ST3GAL4: variants seen among roughly 807,000 people sequenced by gnomAD.
ST3GAL4 encodes the protein ST3 beta-galactoside alpha-2,3-sialyltransferase 4.
A neutral mutation model predicts 42.6 loss-of-function variants in ST3GAL4; 24 were observed. That is an observed-to-expected ratio of 0.56 (90% CI 0.41 to 0.79). The LOEUF (loss-of-function observed/expected upper bound fraction) is 0.79. ST3GAL4 is among the 30% of genes least tolerant of loss of function. ST3GAL4 has a pLI of 0.00. For missense variants in ST3GAL4, 311 were observed against 430.8 expected (o/e 0.72, Z 2.46); for synonymous variants, 135 against 163.2 (o/e 0.83, Z 1.32).
At position 126,359,805 on chromosome 11, in the gene ST3GAL4, C is replaced by T. The variant is rs556784484; in HGVS notation, c.-61+3963C>T. On this transcript the variant is annotated intron_variant, in intron 1 of 10. Coordinates refer to ENST00000444328, the MANE Select transcript of ST3GAL4 (RefSeq NM_001254757.2). The surrounding 1 kb of genome is among the most constrained non-coding windows in gnomAD (Gnocchi z 4.8). ...GCCTCCCCAGCCCCCACCTCTGCTGCTTTCCCTTGGCAATTGCTTCCATCT... is the reference window on the plus strand; with the variant it reads ...GCCTCCCCAGCCCCCACCTCTGCTGTTTTCCCTTGGCAATTGCTTCCATCT... Among the ~76,000 whole-genome samples the T allele has an allele frequency of 3.7e-4, 57 of 152,334 alleles. No individual in the cohort carries two copies. The highest frequency in any genetic ancestry group is 6.5e-4 in the Non-Finnish European group (44 of 68,030).
chr11:126,361,955 C>CA (rs1952258237), intron 1 of ST3GAL4, among the ~76,000 whole-genome samples: 1 of 150,950 alleles, frequency 6.6e-6, no homozygotes, highest in Middle Eastern at 3.2e-3. Flanking sequence ...GATCTCGGCT[C>CA]ACTGCCATCT....
At chr11:126,401,397 G>A (rs1241076378) in intron 1 of ST3GAL4, among the ~76,000 whole-genome samples, 6 of 151,798 alleles carry the variant, frequency 4.0e-5, no homozygotes, top group Admixed American at 1.3e-4. Context: ...GTGAAACCCC[G>A]TCTCTACTAA....
rs1179969531 is a variant in ST3GAL4, at chr11:126,411,454, T to A, written c.771+2043T>A. Among the ~76,000 whole-genome samples the A allele has an allele frequency of 6.6e-6, 1 of 152,134 alleles. No individual in the cohort carries two copies. The highest frequency in any genetic ancestry group is 1.5e-5 in the Non-Finnish European group (1 of 68,024). ...CGCCTGGCCTGTATTAGCTTTCTGTTGCTCCCTAACTAATACCACAAGTTT... is the reference window on the plus strand; with the variant it reads ...CGCCTGGCCTGTATTAGCTTTCTGTAGCTCCCTAACTAATACCACAAGTTT... On this transcript the variant is annotated intron_variant, in intron 9 of 10. Transcript: ENST00000444328. This position sits in a 1 kb window ranked among gnomAD's most constrained non-coding sequence, Gnocchi z 6.3.
At chr11:126,408,607 G>C in intron 8 of ST3GAL4, 111 bp downstream of exon 8, 14 of 1,331,196 alleles carry the variant, frequency 1.1e-5, no homozygotes, top group Non-Finnish European at 1.4e-5. Flanking sequence ...GCTGTGAGGG[G>C]ACAGCATGAA....
At position 126,376,002 on chromosome 11, in the gene ST3GAL4, C is replaced by G. The variant is rs1307836671; in HGVS notation, c.-61+20160C>G. 6.7e-6 allele frequency among the ~76,000 whole-genome samples: 1 copy of G among 149,710 alleles called. No individual in the cohort carries two copies. The highest frequency in any genetic ancestry group is 2.0e-4 in the East Asian group (1 of 5,084). ...TCGTTAGTCACGTATTATTGTTTGTCAAATGTGTATAAAACATCTGCCACA... is the reference window on the plus strand; with the variant it reads ...TCGTTAGTCACGTATTATTGTTTGTGAAATGTGTATAAAACATCTGCCACA... On this transcript the variant is annotated intron_variant, in intron 1 of 10. Coordinates refer to ENST00000444328, the MANE Select transcript of ST3GAL4 (RefSeq NM_001254757.2). This position sits in a 1 kb window ranked among gnomAD's most constrained non-coding sequence, Gnocchi z 5.1.
Position 126,400,543 on chromosome 11 carries a change from G to C in ST3GAL4, c.-60-5553G>C, listed in dbSNP as rs866021599. On this transcript the variant is annotated intron_variant, in intron 1 of 10. Transcript: ENST00000444328. The surrounding 1 kb of genome is among the most constrained non-coding windows in gnomAD (Gnocchi z 4.6). The stretch of plus-strand genomic sequence containing the variant: ...CTTAGTGTGCTTGGGAGGAGGGTAA[G>C]AGATGCGTTTGCAGTTCTCATGGCC... Among the ~76,000 whole-genome samples, 1 of 152,208 alleles carries C rather than the reference G, an allele frequency of 6.6e-6. No homozygotes were observed. Among genetic ancestry groups the C allele is most frequent in the South Asian group, 2.1e-4 (1 of 4,834 alleles).
In ST3GAL4 at chr11:126,363,109, G is replaced by T. The variant is rs138321236; in HGVS notation, c.-61+7267G>T. Among the ~76,000 whole-genome samples, 169 of 152,316 alleles carry T rather than the reference G, an allele frequency of 1.1e-3. No homozygotes were observed. Among genetic ancestry groups the T allele is most frequent in the African/African-American group, 4.0e-3 (166 of 41,570 alleles). On this transcript the variant is annotated intron_variant, in intron 1 of 10. Coordinates refer to ENST00000444328, the MANE Select transcript of ST3GAL4 (RefSeq NM_001254757.2). The surrounding 1 kb of genome is among the most constrained non-coding windows in gnomAD (Gnocchi z 4.6). The stretch of plus-strand genomic sequence containing the variant: ...CCCAGCTGGGCTGGACTGAATGAGG[G>T]GCTGGCCGAGGAGCGGGTGTTGATG...
rs1040419872 is a variant in ST3GAL4, at chr11:126,376,348, C to G, written c.-61+20506C>G. ...AAGAAGTGAATTGGGAAACAGAAAACCGAAAGAGGTTTAGTGGCCCAATGA... is the reference window on the plus strand; with the variant it reads ...AAGAAGTGAATTGGGAAACAGAAAAGCGAAAGAGGTTTAGTGGCCCAATGA... On this transcript the variant is annotated intron_variant, in intron 1 of 10. Transcript: ENST00000444328. This position sits in a 1 kb window ranked among gnomAD's most constrained non-coding sequence, Gnocchi z 5.1. 6.6e-6 allele frequency among the ~76,000 whole-genome samples: 1 copy of G among 152,080 alleles called. No individual in the cohort carries two copies. Among genetic ancestry groups the G allele is most frequent in the African/African-American group, 2.4e-5 (1 of 41,404 alleles).
rs1487299177 is a variant in ST3GAL4, at chr11:126,366,811, C to A, written c.-61+10969C>A. On this transcript the variant is annotated intron_variant, in intron 1 of 10. Transcript: ENST00000444328. The surrounding 1 kb of genome is among the most constrained non-coding windows in gnomAD (Gnocchi z 4.2). ...AGGTCTGCCGAGTGAGGGTTCCTTC[C>A]GGGAGGAGGCAGGGTGAGCGCAGAA... Among the ~76,000 whole-genome samples the A allele has an allele frequency of 6.6e-6, 1 of 152,116 alleles. No homozygotes were observed.
intron 1 of ST3GAL4, among the ~76,000 whole-genome samples, chr11:126,387,184 C>A (rs908652748): frequency 1.3e-5 from 2 of 152,220 alleles, no homozygotes; most frequent in Non-Finnish European, 2.9e-5. Flanking sequence ...TCTGCTCATA[C>A]AACTTCCCTT....
chr11:126,402,890 A>T (rs1330055374), intron 1 of ST3GAL4, among the ~76,000 whole-genome samples: 1 of 152,032 alleles, frequency 6.6e-6, no homozygotes, highest in Admixed American at 6.6e-5. Context: ...TTGTCTTCCT[A>T]CCCGGGGGCA....
chr11:126,385,391 A>G (rs1953188566), intron 1 of ST3GAL4, among the ~76,000 whole-genome samples: 1 of 151,662 alleles, frequency 6.6e-6, no homozygotes, highest in South Asian at 2.1e-4. Context: ...TGACCTCATG[A>G]TCCTCCCACC....
rs1952912449 is a variant in ST3GAL4, at chr11:126,379,058, C to T, written c.-61+23216C>T. Among the ~76,000 whole-genome samples, 1 of 152,344 alleles carries T rather than the reference C, an allele frequency of 6.6e-6. No homozygotes were observed. Among genetic ancestry groups the T allele is most frequent in the African/African-American group, 2.4e-5 (1 of 41,572 alleles). ...TTGCCTCTGTTGCTTCTTCCAAGAGCTACACTGGTTGATCATAAATATCAG... is the reference window on the plus strand; with the variant it reads ...TTGCCTCTGTTGCTTCTTCCAAGAGTTACACTGGTTGATCATAAATATCAG... On this transcript the variant is annotated intron_variant, in intron 1 of 10. Transcript: ENST00000444328. This position sits in a 1 kb window ranked among gnomAD's most constrained non-coding sequence, Gnocchi z 4.2.
intron 1 of ST3GAL4, among the ~76,000 whole-genome samples, chr11:126,399,465 C>T (rs149197485): frequency 1.7e-3 from 252 of 151,860 alleles, no homozygotes; most frequent in African/African-American, 5.9e-3. Flanking sequence ...CCACCACACC[C>T]AGCTAATTTT....
In ST3GAL4 at chr11:126,397,707, A is replaced by G. The variant is rs1211863977; in HGVS notation, c.-60-8389A>G. Among the ~76,000 whole-genome samples, 1 of 152,224 alleles carries G rather than the reference A, an allele frequency of 6.6e-6. No individual in the cohort carries two copies. The highest frequency in any genetic ancestry group is 2.1e-4 in the South Asian group (1 of 4,828). ...ACAGTTCTGGAGGCTCGGATGTCCAAGATCTAGAGGACACATCCGGTGAGG... is the reference window on the plus strand; with the variant it reads ...ACAGTTCTGGAGGCTCGGATGTCCAGGATCTAGAGGACACATCCGGTGAGG... On this transcript the variant is annotated intron_variant, in intron 1 of 10. Coordinates refer to ENST00000444328, the MANE Select transcript of ST3GAL4 (RefSeq NM_001254757.2). This position sits in a 1 kb window ranked among gnomAD's most constrained non-coding sequence, Gnocchi z 5.0.
At position 126,362,669 on chromosome 11, in the gene ST3GAL4, G is replaced by A. The variant is rs946375646; in HGVS notation, c.-61+6827G>A. On this transcript the variant is annotated intron_variant, in intron 1 of 10. Coordinates refer to ENST00000444328, the MANE Select transcript of ST3GAL4 (RefSeq NM_001254757.2). ...GGAAGAGGGGCAGGTGGCTCACTAG[G>A]AGCTGTCCTGGCATCCTTTGTCCCC... Among the ~76,000 whole-genome samples the A allele has an allele frequency of 2.0e-5, 3 of 152,274 alleles. No individual in the cohort carries two copies. In the South Asian group the frequency reaches 6.2e-4, roughly 32 times the overall value.
rs762892226 is a variant in ST3GAL4, at chr11:126,391,973, A to ATG, written c.-60-14115_-60-14114dup. 6.0e-5 allele frequency among the ~76,000 whole-genome samples: 8 copies of ATG among 132,672 alleles called. No individual in the cohort carries two copies. The highest frequency in any genetic ancestry group is 6.7e-5 in the Non-Finnish European group (4 of 59,326). The allele number at this position is 132,672 out of a possible 152,430, so 87.0% of individuals were successfully genotyped here. ...TGTGTGTGTGTGTGTGTGTGTGTGT[A>ATG]TGTGTGTGTATGTGTATATATAAAA... On this transcript the variant is annotated intron_variant, in intron 1 of 10. Coordinates refer to ENST00000444328, the MANE Select transcript of ST3GAL4 (RefSeq NM_001254757.2). This position sits in a 1 kb window ranked among gnomAD's most constrained non-coding sequence, Gnocchi z 5.5.
Position 126,409,264 on chromosome 11 carries a change from C to T in ST3GAL4, c.628-4C>T, listed in dbSNP as rs1214334049. 6.2e-7 allele frequency: 1 copy of T among 1,614,120 alleles called. No homozygotes were observed. The highest frequency in any genetic ancestry group is 2.2e-5 in the East Asian group (1 of 44,884). ...GTCTCTCTCTTCTGACCCCATCCTCCTAGGTGCGAAAGGGTTTCTGGAAAC... is the reference window on the plus strand; with the variant it reads ...GTCTCTCTCTTCTGACCCCATCCTCTTAGGTGCGAAAGGGTTTCTGGAAAC... On this transcript the variant is annotated splice_region_variant and splice_polypyrimidine_tract_variant and intron_variant, in intron 8 of 10. Coordinates refer to ENST00000444328, the MANE Select transcript of ST3GAL4 (RefSeq NM_001254757.2). This position sits in a 1 kb window ranked among gnomAD's most constrained non-coding sequence, Gnocchi z 4.9.
rs1379033374 is a variant in ST3GAL4 at position 126,414,160 on chromosome 11, T to C, written c.*113T>C. On this transcript the variant is annotated 3_prime_UTR_variant, in exon 11 of 11. Transcript: ENST00000444328. ...TGACCCACTTGGACTCACCCCCTCT[T>C]GGGGAGGGAGTTCTGGGCCTGGCCA... The C allele has an allele frequency of 9.8e-7, 1 of 1,023,448 alleles. No individual in the cohort carries two copies. The highest frequency in any genetic ancestry group is 1.6e-5 in the African/African-American group (1 of 63,620). The allele number at this position is 1,023,448 out of a possible 1,614,324, so 63.4% of individuals were successfully genotyped here. A position where few individuals can be genotyped will look rare whatever the true frequency, so the allele number is the denominator to read the frequency against.
Sources: gnomAD v4.1 joint callset for allele counts (sites outside exome capture counted in the v4.1 genomes callset) on GRCh38, gnomAD v4.1.1 for gene constraint, Gnocchi (gnomAD v3.1) non-coding constraint, MANE v1.5 for transcripts, NCBI Gene and HGNC (gene_info 2026-07-23, HGNC 2026-07-21) for gene names.